The following CNTNAP2 variants were observed in gnomAD, a reference collection of about 807,000 sequenced individuals.
CNTNAP2 encodes contactin associated protein 2, also known as contactin-associated protein-like 2.
In CNTNAP2, 98 loss-of-function variants were observed where a neutral mutation model predicts 155.2. The ratio of observed to expected loss-of-function variants is 0.63; its 90% CI spans 0.54 to 0.75. CNTNAP2 has a LOEUF of 0.75. CNTNAP2 is among the 30% of genes least tolerant of loss of function. The pLI is 0.00. For missense variants in CNTNAP2, 1,727 were observed against 1,688.1 expected (o/e 1.02, Z -0.40); for synonymous variants, 651 against 631.2 (o/e 1.03, Z -0.47).
intron 13 of CNTNAP2, among the ~76,000 whole-genome samples, chr7:147,849,322 C>G (rs1389926981): frequency 6.6e-6 from 1 of 152,146 alleles, no homozygotes; most frequent in African/African-American, 2.4e-5. Flanking sequence ...ATTTTCATTT[C>G]TCAGCATCAT....
At chr7:146,895,725 G>T (rs1465484606) in intron 3 of CNTNAP2, among the ~76,000 whole-genome samples, 2 of 152,074 alleles carry the variant, frequency 1.3e-5, no homozygotes, top group Non-Finnish European at 2.9e-5. Flanking sequence ...CGAAAAAGGA[G>T]TTTCTCTTTT....
chr7:146,918,877 A>G (rs756390491), intron 3 of CNTNAP2, among the ~76,000 whole-genome samples: 2 of 152,120 alleles, frequency 1.3e-5, no homozygotes, highest in East Asian at 3.9e-4. Flanking sequence ...CTCCTTTTTT[A>G]AAAATTCATT....
At chr7:146,213,393 T>C (rs1799065643) in intron 1 of CNTNAP2, among the ~76,000 whole-genome samples, 3 of 152,172 alleles carry the variant, frequency 2.0e-5, no homozygotes, top group Admixed American at 1.3e-4. Flanking sequence ...GAAAACTAAA[T>C]AGATGAAATT....
intron 15 of CNTNAP2, among the ~76,000 whole-genome samples, chr7:148,094,130 C>T (rs527558430): frequency 4.7e-4 from 72 of 152,276 alleles, no homozygotes; most frequent in Non-Finnish European, 8.5e-4. Context: ...CAGATTCAGA[C>T]GGACTTTCTC....
rs192082552 is a variant in CNTNAP2, at chr7:146,627,029, A to G, written c.98-147242A>G. Reference sequence around the variant, plus strand: ...AAGACTGGGAAGAAAAAGAGGTTTAATGGATTTACAGTTCCAGATGGCTGG... The same window carrying G: ...AAGACTGGGAAGAAAAAGAGGTTTAGTGGATTTACAGTTCCAGATGGCTGG... On this transcript the variant is annotated intron_variant, in intron 1 of 23. Transcript: ENST00000361727. Among the ~76,000 whole-genome samples the G allele has an allele frequency of 4.4e-3, 673 of 152,288 alleles. 2 individuals are homozygous for G. Among genetic ancestry groups the G allele is most frequent in the Non-Finnish European group, 6.9e-3 (469 of 68,006 alleles).
rs113837772 is a variant in CNTNAP2 at position 147,629,127 on chromosome 7, C to T, written c.1898-9979C>T. 6.3e-3 allele frequency among the ~76,000 whole-genome samples: 956 copies of T among 152,134 alleles called. 12 individuals carry two copies. The highest frequency in any genetic ancestry group is 0.018 in the African/African-American group (766 of 41,512). On this transcript the variant is annotated intron_variant, in intron 12 of 23. Coordinates refer to ENST00000361727, the MANE Select transcript of CNTNAP2 (RefSeq NM_014141.6). Reference sequence around the variant, plus strand: ...AAAGAAATAACGGACATAGGCCGACCGCTGTGGTTCATGGCTGTAATCCCA... The same window carrying T: ...AAAGAAATAACGGACATAGGCCGACTGCTGTGGTTCATGGCTGTAATCCCA...
chr7:148,322,238 T>C (rs1358930481), intron 21 of CNTNAP2, among the ~76,000 whole-genome samples: 1 of 152,188 alleles, frequency 6.6e-6, no homozygotes, highest in African/African-American at 2.4e-5. Flanking sequence ...CTGTAAATTC[T>C]TAAAATTTGG....
At chr7:146,927,535 C>T (rs1406995721) in intron 3 of CNTNAP2, among the ~76,000 whole-genome samples, 1 of 151,742 alleles carries the variant, frequency 6.6e-6, no homozygotes, top group Admixed American at 6.6e-5. Context: ...TGTGTAAATA[C>T]AATATACAAT....
intron 3 of CNTNAP2, among the ~76,000 whole-genome samples, chr7:146,997,114 C>T (rs189713076): frequency 5.3e-5 from 8 of 152,166 alleles, no homozygotes; most frequent in African/African-American, 9.6e-5. Flanking sequence ...TTATCAACAG[C>T]GTGAAAACAA....
At chr7:146,671,737 C>T (rs1166866434) in intron 1 of CNTNAP2, among the ~76,000 whole-genome samples, 2 of 152,058 alleles carry the variant, frequency 1.3e-5, no homozygotes, top group Non-Finnish European at 2.9e-5. Flanking sequence ...TATATTTCTC[C>T]TTCCATTTTA....
intron 21 of CNTNAP2, among the ~76,000 whole-genome samples, chr7:148,286,334 C>T (rs58797666): frequency 0.14 from 20,705 of 152,168 alleles, 1,701 homozygotes; most frequent in African/African-American, 0.23. Context: ...TCCTAGTGCT[C>T]TCATCGGCTT....
chr7:146,172,082 A>G (rs532233638), intron 1 of CNTNAP2, among the ~76,000 whole-genome samples: 135 of 47,274 alleles, frequency 2.9e-3, no homozygotes, highest in Admixed American at 5.2e-3. Context: ...TATGATATTT[A>G]CTTTGGAAGT....
intron 11 of CNTNAP2, among the ~76,000 whole-genome samples, chr7:147,552,001 A>T (rs768368930): frequency 9.9e-5 from 15 of 152,186 alleles, no homozygotes; most frequent in African/African-American, 3.6e-4. Flanking sequence ...TGAATATCCC[A>T]TCAAATTCCT....
At chr7:148,053,887 G>A (rs539815448) in intron 15 of CNTNAP2, among the ~76,000 whole-genome samples, 2 of 151,470 alleles carry the variant, frequency 1.3e-5, no homozygotes, top group Admixed American at 1.3e-4. Flanking sequence ...ACTCTGTGAT[G>A]TATCGTTGCA....
chr7:147,623,299 G>C (rs1794902621), intron 12 of CNTNAP2, among the ~76,000 whole-genome samples: 1 of 151,970 alleles, frequency 6.6e-6, no homozygotes, highest in South Asian at 2.1e-4. Context: ...CCAAATTGGA[G>C]TGGAAGAAGT....
At chr7:147,616,434 C>G (rs1190823659) in intron 12 of CNTNAP2, among the ~76,000 whole-genome samples, 1 of 152,174 alleles carries the variant, frequency 6.6e-6, no homozygotes, top group Non-Finnish European at 1.5e-5. Context: ...TTACAAGAAA[C>G]TACAATATCT....
chr7:147,500,896 A>C (rs1425617695), intron 11 of CNTNAP2, among the ~76,000 whole-genome samples: 1 of 152,148 alleles, frequency 6.6e-6, no homozygotes, highest in African/African-American at 2.4e-5. Flanking sequence ...TGAGTCCAGC[A>C]TTACCCTGAT....
rs1563109648 is a variant in CNTNAP2 at position 146,502,235 on chromosome 7, A to ATATATATATATATGAATATATATGTG, written c.98-272023_98-272022insGAATATATATGTGTATATATATATAT. On this transcript the variant is annotated intron_variant, in intron 1 of 23. Transcript: ENST00000361727. ...TGTGTATATATATGAATATATATAT[A>ATATATATATATATGAATATATATGTG]TATATATATATATATATATATATAT... Among the ~76,000 whole-genome samples, 410 of 56,078 alleles carry ATATATATATATATGAATATATATGTG rather than the reference A, an allele frequency of 7.3e-3. 3 individuals are homozygous for ATATATATATATATGAATATATATGTG. Among genetic ancestry groups the ATATATATATATATGAATATATATGTG allele is most frequent in the Non-Finnish European group, 8.6e-3 (248 of 28,772 alleles). The allele number at this position is 56,078 out of a possible 152,430, so 36.8% of individuals were successfully genotyped here.
At chr7:147,984,577 T>C (rs1801584877) in intron 15 of CNTNAP2, among the ~76,000 whole-genome samples, 1 of 151,486 alleles carries the variant, frequency 6.6e-6, no homozygotes, top group African/African-American at 2.4e-5. Context: ...TCTCGGGGAG[T>C]GGCTGGGTCT....
Sources: gnomAD v4.1 joint callset for allele counts (sites outside exome capture counted in the v4.1 genomes callset) on GRCh38, gnomAD v4.1.1 for gene constraint, MANE v1.5 for transcripts, NCBI Gene and HGNC (gene_info 2026-07-23, HGNC 2026-07-21) for gene names.